Variants in SORCS3 observed in about 807,000 individuals in gnomAD.
The protein encoded by SORCS3 is sortilin related VPS10 domain containing receptor 3, also known as VPS10 domain-containing receptor SorCS3.
In SORCS3, 57 loss-of-function variants were observed where a neutral mutation model predicts 146.3. That is an observed-to-expected ratio of 0.39 (90% CI 0.31 to 0.49). SORCS3 has a LOEUF of 0.49. SORCS3 is among the 20% of genes least tolerant of loss of function. The pLI, the probability that SORCS3 is intolerant of heterozygous loss-of-function variation, is 0.92. For synonymous variants in SORCS3, 653 were observed against 618.5 expected (o/e 1.06, Z -0.83); for missense variants, 1,341 against 1,575.5 (o/e 0.85, Z 2.52).
intron 4 of SORCS3, among the ~76,000 whole-genome samples, chr10:105,035,334 G>T (rs2055298587): frequency 6.6e-6 from 1 of 152,180 alleles, no homozygotes; most frequent in African/African-American, 2.4e-5. Flanking sequence ...TTCTCTGGGG[G>T]ATGCTGTATT....
At chr10:105,041,525 G>T (rs1442325076) in intron 4 of SORCS3, among the ~76,000 whole-genome samples, 1 of 147,242 alleles carries the variant, frequency 6.8e-6, no homozygotes, top group Non-Finnish European at 1.5e-5. Flanking sequence ...TTAATTATAT[G>T]TGTGTATATA....
At chr10:105,077,797 T>C (rs577311206) in intron 5 of SORCS3, among the ~76,000 whole-genome samples, 1 of 152,320 alleles carries the variant, frequency 6.6e-6, no homozygotes, top group African/African-American at 2.4e-5. Flanking sequence ...GCTTGGTGTG[T>C]GGGTGTAGCC....
rs35296777 is a variant in SORCS3, at chr10:104,799,681, C to CTT, written c.628-43100_628-43099dup. On this transcript the variant is annotated intron_variant, in intron 1 of 26. Transcript: ENST00000369701. ...CACGTTCTGCACATGTAACCCAGAA[C>CTT]TTTTTTTTTTTTGAGATGGAGTCTC... 3.6e-3 allele frequency among the ~76,000 whole-genome samples: 538 copies of CTT among 147,586 alleles called. 2 individuals are homozygous for CTT. The highest frequency in any genetic ancestry group is 0.013 in the African/African-American group (505 of 40,268).
intron 13 of SORCS3, among the ~76,000 whole-genome samples, chr10:105,172,566 C>A (rs2056368982): frequency 6.6e-6 from 1 of 152,090 alleles, no homozygotes; most frequent in Admixed American, 6.6e-5. Context: ...CGATAAATAG[C>A]CCTTTAAAAT....
chr10:104,642,526 C>A (rs1176409797), intron 1 of SORCS3, among the ~76,000 whole-genome samples: 2 of 152,030 alleles, frequency 1.3e-5, no homozygotes, highest in African/African-American at 4.8e-5. Context: ...GCCAAGTCGG[C>A]CCCCAGCCTT....
At chr10:104,815,373 C>T (rs1170679870) in intron 1 of SORCS3, among the ~76,000 whole-genome samples, 1 of 139,508 alleles carries the variant, frequency 7.2e-6, no homozygotes, top group Non-Finnish European at 1.5e-5. Context: ...CACTTGAGCC[C>T]AGGAGACGAA....
chr10:105,144,673 TA>T (rs2056118364), intron 8 of SORCS3, among the ~76,000 whole-genome samples: 3 of 152,170 alleles, frequency 2.0e-5, no homozygotes, highest in Non-Finnish European at 4.4e-5. Context: ...AGTCCCAGTC[TA>T]AATTTACTCT....
chr10:105,041,085 ATATT>A (rs2055335020), intron 4 of SORCS3, among the ~76,000 whole-genome samples: 1 of 144,230 alleles, frequency 6.9e-6, no homozygotes, highest in Admixed American at 7.0e-5. Flanking sequence ...GTATGTATAT[ATATT>A]TATATATATA....
chr10:104,824,090 C>A (rs902524373), intron 1 of SORCS3, among the ~76,000 whole-genome samples: 44 of 152,176 alleles, frequency 2.9e-4, no homozygotes, highest in African/African-American at 1.0e-3. Context: ...GAACACAACC[C>A]TACCAATACC....
At chr10:104,827,393 T>C (rs1443892859) in intron 1 of SORCS3, among the ~76,000 whole-genome samples, 1 of 152,214 alleles carries the variant, frequency 6.6e-6, no homozygotes, top group East Asian at 1.9e-4. Flanking sequence ...ACAACATTAA[T>C]ATCTTTGTAC....
rs35604992 is a variant in SORCS3, at chr10:105,003,998, C to CTTTTTTTTT, written c.954+26506_954+26507insTTTTTTTTT. Among the ~76,000 whole-genome samples the CTTTTTTTTT allele has an allele frequency of 9.1e-3, 1,232 of 135,926 alleles. 60 individuals are homozygous for CTTTTTTTTT. Among genetic ancestry groups the CTTTTTTTTT allele is most frequent in the African/African-American group, 0.033 (1,116 of 34,168 alleles). The allele number at this position is 135,926 out of a possible 152,430, so 89.2% of individuals were successfully genotyped here. A position where few individuals can be genotyped will look rare whatever the true frequency, so the allele number is the denominator to read the frequency against. ...TTCCCCTCCTTTTTTTCTCTTCTCT[C>CTTTTTTTTT]TCTTTTTTTTTTTTTTACCAGAGAA... On this transcript the variant is annotated intron_variant, in intron 4 of 26. Coordinates refer to ENST00000369701, the MANE Select transcript of SORCS3 (RefSeq NM_014978.3).
At chr10:104,666,867 G>T (rs2015784704) in intron 1 of SORCS3, among the ~76,000 whole-genome samples, 1 of 152,030 alleles carries the variant, frequency 6.6e-6, no homozygotes, top group Non-Finnish European at 1.5e-5. Flanking sequence ...TCCTCACAAA[G>T]TCTCTTTGGA....
chr10:104,982,894 G>A (rs1315117189), intron 4 of SORCS3, among the ~76,000 whole-genome samples: 1 of 152,178 alleles, frequency 6.6e-6, no homozygotes, highest in Non-Finnish European at 1.5e-5. Context: ...GGGCAGTAAG[G>A]ATCTCCATTC....
At chr10:105,060,136 T>C (rs913553928) in intron 5 of SORCS3, among the ~76,000 whole-genome samples, 1 of 150,944 alleles carries the variant, frequency 6.6e-6, no homozygotes, top group African/African-American at 2.4e-5. Flanking sequence ...CATGGAGGAG[T>C]TGGAATTTGA....
At chr10:104,861,628 T>C (rs1333136279) in intron 2 of SORCS3, among the ~76,000 whole-genome samples, 2 of 152,066 alleles carry the variant, frequency 1.3e-5, no homozygotes, top group Non-Finnish European at 2.9e-5. Context: ...CTTGCCCCGG[T>C]GTGGAGGCAG....
At chr10:105,219,716 C>T (rs564035374) in intron 19 of SORCS3, among the ~76,000 whole-genome samples, 16 of 152,266 alleles carry the variant, frequency 1.1e-4, no homozygotes, top group South Asian at 4.1e-4. Context: ...GACATTTTTG[C>T]TGCATTTAAA....
At position 105,218,357 on chromosome 10, in the gene SORCS3, A is replaced by G. The variant is rs1286050108; in HGVS notation, c.2734+1235A>G. On this transcript the variant is annotated intron_variant, in intron 19 of 26. Coordinates refer to ENST00000369701, the MANE Select transcript of SORCS3 (RefSeq NM_014978.3). ...ATAGTAAACACACAAAAAACACCCA[A>G]TCATTCACTAATTAATTTAACAAAA... Among the ~76,000 whole-genome samples, 2 of 152,232 alleles carry G rather than the reference A, an allele frequency of 1.3e-5. 1 individual carries two copies. The highest frequency in any genetic ancestry group is 4.1e-4 in the South Asian group (2 of 4,832).
At chr10:105,057,897 C>G (rs2055456388) in intron 5 of SORCS3, among the ~76,000 whole-genome samples, 1 of 152,184 alleles carries the variant, frequency 6.6e-6, no homozygotes, top group African/African-American at 2.4e-5. Context: ...ATTTAGGAAT[C>G]CTGAAATCTT....
chr10:104,642,022 G>GGGGGGGGGGGGGGGGGCC, intron 1 of SORCS3, 68 bp downstream of exon 1: 3 of 173,336 alleles, frequency 1.7e-5, no homozygotes, highest in East Asian at 1.5e-4. Context: ...GGGTGGGTGG[G>GGGGGGGGGGGGGGGGGCC]AGCGAGGGAC....
Sources: allele counts gnomAD v4.1 joint callset (sites outside exome capture counted in the v4.1 genomes callset), GRCh38; gene constraint gnomAD v4.1.1; transcripts MANE v1.5; gene names NCBI Gene and HGNC (gene_info 2026-07-23, HGNC 2026-07-21).